Variants in CBX1 observed in about 807,000 individuals in gnomAD.
CBX1 encodes the protein chromobox protein homolog 1.
A neutral mutation model predicts 25.1 loss-of-function variants in CBX1; 10 were observed. The observed-to-expected ratio is 0.40, with a 90% CI of 0.25 to 0.68. The LOEUF (loss-of-function observed/expected upper bound fraction) is 0.68. Among genes scored for constraint, CBX1 ranks in the 30% least tolerant of loss-of-function variants. The pLI is 0.40. For missense variants in CBX1, 106 were observed against 218.5 expected (o/e 0.49, Z 3.25); for synonymous variants, 63 against 79.4 (o/e 0.79, Z 1.10).
At chr17:48,094,763 C>T (rs1022216466) in intron 1 of CBX1, among the ~76,000 whole-genome samples, 1 of 149,180 alleles carries the variant, frequency 6.7e-6, no homozygotes, top group Non-Finnish European at 1.5e-5. Flanking sequence ...AAAGTGTGCT[C>T]CTGACTGGGC....
chr17:48,101,234 C>T, intron 1 of CBX1, 34 bp downstream of exon 1: 1 of 989,696 alleles, frequency 1.0e-6, no homozygotes, highest in Non-Finnish European at 1.2e-6. Flanking sequence ...CGCGCCCCCT[C>T]CCCCAGCTCT....
intron 1 of CBX1, among the ~76,000 whole-genome samples, chr17:48,079,978 G>A (rs948610096): frequency 6.6e-6 from 1 of 152,046 alleles, no homozygotes; most frequent in African/African-American, 2.4e-5. Flanking sequence ...AACATCTAAG[G>A]GTTTTTCCAG....
At chr17:48,080,917 C>A (rs1449291910) in intron 1 of CBX1, among the ~76,000 whole-genome samples, 1 of 22,772 alleles carries the variant, frequency 4.4e-5, no homozygotes, top group Non-Finnish European at 7.4e-5. Flanking sequence ...GAGACTCCAT[C>A]TCAAAAAAAA....
chr17:48,081,605 A>AT (rs1283953569), intron 1 of CBX1, among the ~76,000 whole-genome samples: 2 of 151,896 alleles, frequency 1.3e-5, no homozygotes, highest in Non-Finnish European at 2.9e-5. Flanking sequence ...TGCCCAGCTA[A>AT]TTTTTTTAAT....
chr17:48,098,260 A>AAAAC (rs57937836), intron 1 of CBX1, among the ~76,000 whole-genome samples: 131,146 of 150,692 alleles, frequency 0.87, 57,143 homozygotes, highest in Admixed American at 0.9. Flanking sequence ...AAAAAAACAA[A>AAAAC]AAACAAACAA....
At chr17:48,078,083 G>C (rs1327768587) in intron 1 of CBX1, among the ~76,000 whole-genome samples, 1 of 151,488 alleles carries the variant, frequency 6.6e-6, no homozygotes, top group Admixed American at 6.6e-5. Context: ...AAAAAAAAAA[G>C]AAAAGCAGTC....
chr17:48,073,073 G>C (rs2144425923), intron 4 of CBX1, among the ~76,000 whole-genome samples: 1 of 152,076 alleles, frequency 6.6e-6, no homozygotes, highest in South Asian at 2.1e-4. Flanking sequence ...AGTGAACAGA[G>C]ATCGCCTCAC....
chr17:48,085,949 A>G (rs920915949), intron 1 of CBX1, among the ~76,000 whole-genome samples: 27 of 152,190 alleles, frequency 1.8e-4, no homozygotes, highest in African/African-American at 6.3e-4. Context: ...ATGCACCTGT[A>G]GTCCCAGTTA....
At chr17:48,092,524 T>C (rs923693715) in intron 1 of CBX1, among the ~76,000 whole-genome samples, 1 of 150,574 alleles carries the variant, frequency 6.6e-6, no homozygotes, top group South Asian at 2.1e-4. Context: ...TGCAGCTATC[T>C]TGGCTCACAA....
chr17:48,100,803 G>A, intron 1 of CBX1: 1 of 985,444 alleles, frequency 1.0e-6, no homozygotes, highest in Non-Finnish European at 1.2e-6. Flanking sequence ...TTACTCCTCC[G>A]TAGTCCTGCA....
intron 4 of CBX1, among the ~76,000 whole-genome samples, chr17:48,073,327 A>C (rs1161676704): frequency 1.3e-5 from 2 of 152,042 alleles, no homozygotes; most frequent in African/African-American, 4.8e-5. Context: ...TGAACAATGG[A>C]CCCAAGAGAA....
intron 1 of CBX1, among the ~76,000 whole-genome samples, chr17:48,085,822 C>T (rs1319758593): frequency 6.6e-6 from 1 of 152,084 alleles, no homozygotes; most frequent in Non-Finnish European, 1.5e-5. Context: ...TCCCAGCACT[C>T]TGGGAGGCTG....
intron 1 of CBX1, among the ~76,000 whole-genome samples, chr17:48,098,184 G>C (rs2063386165): frequency 6.6e-6 from 1 of 152,084 alleles, no homozygotes; most frequent in South Asian, 2.1e-4. Context: ...CCAGGAGGTT[G>C]AGGCTTCAGT....
intron 1 of CBX1, chr17:48,100,876 CG>C (rs2144482993): frequency 3.0e-6 from 3 of 985,676 alleles, no homozygotes; most frequent in South Asian, 9.4e-5. Context: ...TTACAAACCT[CG>C]GGTTGTGCGG....
At chr17:48,096,813 C>T (rs899580104) in intron 1 of CBX1, among the ~76,000 whole-genome samples, 3 of 152,004 alleles carry the variant, frequency 2.0e-5, no homozygotes, top group African/African-American at 4.8e-5. Context: ...CCACAGTGGG[C>T]CAGGTGCAGT....
At chr17:48,077,280 G>C (rs2037683650) in intron 1 of CBX1, among the ~76,000 whole-genome samples, 1 of 150,652 alleles carries the variant, frequency 6.6e-6, no homozygotes, top group Non-Finnish European at 1.5e-5. Flanking sequence ...TTGAGAGACG[G>C]AGTCTTGCTC....
chr17:48,077,445 GTTTTTTTTGTTTTT>G (rs2037687574), intron 1 of CBX1, among the ~76,000 whole-genome samples: 2 of 52,418 alleles, frequency 3.8e-5, no homozygotes, highest in African/African-American at 9.7e-5. Flanking sequence ...TTTTTTTTTT[GTTTTTTTTGTTTTT>G]TTTTTTTTAG....
intron 4 of CBX1, among the ~76,000 whole-genome samples, chr17:48,071,993 G>A (rs1430359660): frequency 9.4e-6 from 1 of 106,460 alleles, no homozygotes; most frequent in Non-Finnish European, 1.8e-5. Context: ...CTTTGTAATA[G>A]GATTTTTTTT....
At chr17:48,087,954 G>A (rs527612996) in intron 1 of CBX1, among the ~76,000 whole-genome samples, 18 of 151,648 alleles carry the variant, frequency 1.2e-4, no homozygotes, top group African/African-American at 3.9e-4. Context: ...ACATGAGGAA[G>A]TGGTGTTTTT....
Sources: allele counts gnomAD v4.1 joint callset (sites outside exome capture counted in the v4.1 genomes callset), GRCh38; gene constraint gnomAD v4.1.1; transcripts MANE v1.5; gene names NCBI Gene and HGNC (gene_info 2026-07-23, HGNC 2026-07-21).